Variants in GATA4 observed in about 807,000 individuals in gnomAD.
GATA4 encodes the protein GATA binding protein 4, also known as transcription factor GATA-4.
A neutral mutation model predicts 37.9 loss-of-function variants in GATA4; 7 were observed. The ratio of observed to expected loss-of-function variants is 0.18; its 90% CI spans 0.11 to 0.35. The LOEUF (loss-of-function observed/expected upper bound fraction) is 0.35. Ranked by LOEUF, GATA4 falls within the 10% of genes least tolerant of loss-of-function variation. GATA4 has a pLI of 1.00. For synonymous variants in GATA4, 372 were observed against 292.6 expected, an observed-to-expected ratio of 1.27 and a Z score of -2.77; for missense variants, 647 against 653.0, an observed-to-expected ratio of 0.99 and a Z score of 0.10.
intron 2 of GATA4, among the ~76,000 whole-genome samples, chr8:11,747,664 T>C (rs1194040246): frequency 6.6e-6 from 1 of 152,192 alleles, no homozygotes; most frequent in African/African-American, 2.4e-5. Flanking sequence ...ATTCTACTTC[T>C]CAGAGAGTAT....
upstream of GATA4, among the ~76,000 whole-genome samples, chr8:11,702,106 G>A (rs934110796): frequency 2.6e-5 from 4 of 152,166 alleles, no homozygotes; most frequent in Non-Finnish European, 4.4e-5. This position sits in a 1 kb window ranked among gnomAD's most constrained non-coding sequence, Gnocchi z 4.4. Context: ...AAGGATCGCC[G>A]CAAGGCACCG....
At chr8:11,684,978 T>C (rs1481050408) in intron 1 of GATA4, among the ~76,000 whole-genome samples, 2 of 152,196 alleles carry the variant, frequency 1.3e-5, no homozygotes, top group Non-Finnish European at 2.9e-5. Context: ...AAAGTGGTCA[T>C]ATTCTTTGAC....
At position 11,709,576 on chromosome 8, in the gene GATA4, G is replaced by GGGGGGGGGGC. The variant is rs1554488895; in HGVS notation, c.616+657_616+658insCGGGGGGGGG. Among the ~76,000 whole-genome samples the GGGGGGGGGGC allele has an allele frequency of 6.5e-3, 272 of 41,688 alleles. 2 individuals carry two copies. The highest frequency in any genetic ancestry group is 0.016 in the Middle Eastern group (1 of 64). The allele number at this position is 41,688 out of a possible 152,430, so 27.3% of individuals were successfully genotyped here. On this transcript the variant is annotated intron_variant, in intron 2 of 6. Transcript: ENST00000532059. The surrounding 1 kb of genome is among the most constrained non-coding windows in gnomAD (Gnocchi z 4.3). ...CGCGTGGGCGCATCATGCGGGCAGC[G>GGGGGGGGGGC]GGGGGGGGGGCGCACACGCCCGGTC...
chr8:11,735,208 G>A (rs11250160), intron 2 of GATA4, among the ~76,000 whole-genome samples: 64,888 of 152,096 alleles, frequency 0.43, 14,441 homozygotes, highest in Middle Eastern at 0.52. Context: ...TTTTTTCTCA[G>A]TGACTGAAAT....
upstream of GATA4, among the ~76,000 whole-genome samples, chr8:11,702,282 C>T (rs1411798810): frequency 6.6e-6 from 1 of 152,148 alleles, no homozygotes; most frequent in Admixed American, 6.5e-5. This position sits in a 1 kb window ranked among gnomAD's most constrained non-coding sequence, Gnocchi z 4.4. Context: ...AGACTCAGCC[C>T]TTTTCGCCCT....
chr8:11,703,807 G>A (rs1371135428), upstream of GATA4, among the ~76,000 whole-genome samples: 5 of 152,336 alleles, frequency 3.3e-5, no homozygotes, highest in African/African-American at 1.2e-4. Context: ...CCCCACACAA[G>A]ATCGAGAGTT....
chr8:11,752,439 C>G (rs1410820951), intron 4 of GATA4, among the ~76,000 whole-genome samples: 1 of 152,104 alleles, frequency 6.6e-6, no homozygotes, highest in African/African-American at 2.4e-5. Flanking sequence ...AGAATGAGAG[C>G]CAAGCAAAAG....
chr8:11,680,176 G>A (rs1385704877), intron 1 of GATA4, among the ~76,000 whole-genome samples: 1 of 152,198 alleles, frequency 6.6e-6, no homozygotes, highest in East Asian at 1.9e-4. Context: ...TCCCACCTAG[G>A]CCGCTCTGGG....
chr8:11,684,206 T>C (rs1799067899), intron 1 of GATA4, among the ~76,000 whole-genome samples: 1 of 152,180 alleles, frequency 6.6e-6, no homozygotes, highest in Non-Finnish European at 1.5e-5. Flanking sequence ...CTTCCTCTGA[T>C]GTTATGGTGG....
chr8:11,682,933 C>A, intron 1 of GATA4: 1 of 352,502 alleles, frequency 2.8e-6, no homozygotes, highest in Non-Finnish European at 4.0e-6. Context: ...GTTTCCACAC[C>A]GGGGACCTGC....
At chr8:11,748,231 G>A (rs909380173) in intron 2 of GATA4, among the ~76,000 whole-genome samples, 2 of 151,920 alleles carry the variant, frequency 1.3e-5, no homozygotes, top group Non-Finnish European at 2.9e-5. Flanking sequence ...AAAGAGAAAA[G>A]AAGTCTCACA....
chr8:11,751,579 A>G (rs1439831899), intron 4 of GATA4, among the ~76,000 whole-genome samples: 3 of 152,186 alleles, frequency 2.0e-5, no homozygotes, highest in Non-Finnish European at 4.4e-5. Context: ...ACCAAACCAA[A>G]CCAGAAACAG....
rs574261676 is a variant in GATA4 at position 11,693,498 on chromosome 8, A to G, written c.-729+838A>G. Among the ~76,000 whole-genome samples, 485 of 143,804 alleles carry G rather than the reference A, an allele frequency of 3.4e-3. 2 individuals are homozygous for G. Among genetic ancestry groups the G allele is most frequent in the South Asian group, 6.7e-3 (30 of 4,446 alleles). The allele number at this position is 143,804 out of a possible 152,430, so 94.3% of individuals were successfully genotyped here. A position where few individuals can be genotyped will look rare whatever the true frequency, so the allele number is the denominator to read the frequency against. On this transcript the variant is annotated intron_variant, in intron 1 of 2. Coordinates refer to the GATA4 transcript ENST00000526974. Reference sequence around the variant, plus strand: ...GAAAGAAGAGAGAGAGAGAGAGAGAAAAAAAGAGGATTGATTCAGCACAAA... The same window carrying G: ...GAAAGAAGAGAGAGAGAGAGAGAGAGAAAAAGAGGATTGATTCAGCACAAA...
rs547921982 is a variant in GATA4 at position 11,727,512 on chromosome 8, A to C, written c.616+18584A>C. On this transcript the variant is annotated intron_variant, in intron 2 of 6. Transcript: ENST00000532059. ...ATAAGGAGAGGCACTAGAGTCTAGT[A>C]AGTGGTTAAAGAAGCTGGAGTCAGG... is the stretch of plus-strand genomic sequence containing the variant. Among the ~76,000 whole-genome samples the C allele has an allele frequency of 1.1e-3, 170 of 152,250 alleles. 1 individual carries two copies. The highest frequency in any genetic ancestry group is 4.0e-3 in the African/African-American group (167 of 41,552).
chr8:11,740,924 G>A lies in GATA4; in HGVS notation c.617-7992G>A, dbSNP rs533355845. Among the ~76,000 whole-genome samples, 487 of 152,164 alleles carry A rather than the reference G, an allele frequency of 3.2e-3. 1 individual carries two copies. The highest frequency in any genetic ancestry group is 0.011 in the African/African-American group (472 of 41,534). On this transcript the variant is annotated intron_variant, in intron 2 of 6. Coordinates refer to ENST00000532059, the MANE Select transcript of GATA4 (RefSeq NM_001308093.3). ...ACTTTTTATATTTTTAGTAGAGACA[G>A]GCTTTCACCATGTTGGCCAGGCTGG...
upstream of GATA4, among the ~76,000 whole-genome samples, chr8:11,699,470 T>A (rs1363994726): frequency 2.6e-5 from 4 of 152,180 alleles, no homozygotes; most frequent in African/African-American, 9.6e-5. Context: ...CCAGACTCCC[T>A]ATGTTCTGGG....
At chr8:11,753,466 A>C (rs1802400561) in intron 4 of GATA4, among the ~76,000 whole-genome samples, 1 of 150,648 alleles carries the variant, frequency 6.6e-6, no homozygotes, top group Non-Finnish European at 1.5e-5. Flanking sequence ...GGTAAATTTT[A>C]AGTTAGGTGT....
At chr8:11,683,207 A>G in intron 1 of GATA4, 1 of 879,262 alleles carries the variant, frequency 1.1e-6, no homozygotes, top group Non-Finnish European at 1.4e-6. Context: ...ATTAGACCTC[A>G]GCATTTATCC....
intron 2 of GATA4, among the ~76,000 whole-genome samples, chr8:11,746,921 T>G (rs1464898973): frequency 3.9e-5 from 6 of 152,258 alleles, no homozygotes; most frequent in Admixed American, 2.0e-4. Flanking sequence ...GCTACCTGTT[T>G]GCAGGTGCAA....
Sources: gnomAD v4.1 joint callset for allele counts (sites outside exome capture counted in the v4.1 genomes callset) on GRCh38, gnomAD v4.1.1 for gene constraint, Gnocchi (gnomAD v3.1) non-coding constraint, MANE v1.5 for transcripts, NCBI Gene and HGNC (gene_info 2026-07-23, HGNC 2026-07-21) for gene names.